The following SLC26A5 variants were observed in gnomAD, a reference collection of about 807,000 sequenced individuals.
The protein encoded by SLC26A5 is solute carrier family 26 member 5.
In SLC26A5, 51 loss-of-function variants were observed where a neutral mutation model predicts 81.0. That is an observed-to-expected ratio of 0.63 (90% CI 0.50 to 0.80). SLC26A5 has a LOEUF of 0.80. Ranked by LOEUF, SLC26A5 falls within the 30% of genes least tolerant of loss-of-function variation. The probability of loss-of-function intolerance (pLI) is 0.00; values close to 1 mark genes in which losing one functional copy is unlikely to be tolerated. For missense variants in SLC26A5, 771 were observed against 905.8 expected, an observed-to-expected ratio of 0.85 and a Z score of 1.91; for synonymous variants, 325 against 332.8, an observed-to-expected ratio of 0.98 and a Z score of 0.25.
chr7:103,395,709 T>C (rs572136977), intron 9 of SLC26A5, among the ~76,000 whole-genome samples: 8 of 151,520 alleles, frequency 5.3e-5, no homozygotes, highest in African/African-American at 1.2e-4. Context: ...TTACTAGAGA[T>C]GGGGTTTCAC....
At position 103,412,133 on chromosome 7, in the gene SLC26A5, G is replaced by A. The variant is rs1364782747; in HGVS notation, c.404-547C>T. On this transcript the variant is annotated intron_variant, in intron 5 of 19. Coordinates refer to ENST00000306312, the MANE Select transcript of SLC26A5 (RefSeq NM_198999.3). Reference sequence around the variant, plus strand: ...ACCAGCCCTTCCCAAGTCCTGAACTGCAGGCACTATGGAAGATACAAACAT... The same window carrying A: ...ACCAGCCCTTCCCAAGTCCTGAACTACAGGCACTATGGAAGATACAAACAT... 2.6e-5 allele frequency among the ~76,000 whole-genome samples: 4 copies of A among 152,202 alleles called. No homozygotes were observed. The East Asian group carries it at 7.7e-4, about 29-fold the overall frequency.
chr7:103,389,428 A>C lies in SLC26A5; in HGVS notation c.1312-4T>G, dbSNP rs1238780744. 6.2e-7 allele frequency: 1 copy of C among 1,609,346 alleles called. No individual in the cohort carries two copies. The highest frequency in any genetic ancestry group is 8.5e-7 in the Non-Finnish European group (1 of 1,175,824). On this transcript the variant is annotated splice_polypyrimidine_tract_variant and splice_region_variant and intron_variant, in intron 12 of 19. Transcript: ENST00000306312. Reference sequence around the variant, plus strand: ...TCACAATGGCCGACAGCACAGCCTGAAACAGAGCACATCCCCCATGCCTCT... The same window carrying C: ...TCACAATGGCCGACAGCACAGCCTGCAACAGAGCACATCCCCCATGCCTCT...
At chr7:103,362,710 T>C in intron 19 of SLC26A5, 2 of 1,606,066 alleles carry the variant, frequency 1.2e-6, no homozygotes, top group Admixed American at 1.7e-5. Flanking sequence ...AATATCAAAT[T>C]CACATTCCAT....
intron 19 of SLC26A5, among the ~76,000 whole-genome samples, chr7:103,356,830 A>G (rs1820061095): frequency 6.6e-6 from 1 of 152,182 alleles, no homozygotes; most frequent in African/African-American, 2.4e-5. Context: ...TGTTGCTTAG[A>G]AAAACCTAGC....
At chr7:103,359,476 C>T (rs1340891963) in intron 19 of SLC26A5, among the ~76,000 whole-genome samples, 1 of 152,066 alleles carries the variant, frequency 6.6e-6, no homozygotes, top group Non-Finnish European at 1.5e-5. Flanking sequence ...ACCCAATACC[C>T]ATTAGCAGTC....
intron 8 of SLC26A5, among the ~76,000 whole-genome samples, chr7:103,405,193 C>G (rs1265024943): frequency 2.6e-5 from 4 of 152,146 alleles, no homozygotes; most frequent in Non-Finnish European, 5.9e-5. Flanking sequence ...GTCCATTCGT[C>G]AAACTCATTC....
intron 14 of SLC26A5, among the ~76,000 whole-genome samples, chr7:103,386,207 A>G (rs1361175728): frequency 6.6e-6 from 1 of 151,904 alleles, no homozygotes; most frequent in Non-Finnish European, 1.5e-5. Flanking sequence ...CTTGGATTAC[A>G]GGAGTGAGCC....
At chr7:103,435,131 TTTTA>T (rs1262485707) in intron 2 of SLC26A5, 1 of 152,178 alleles carries the variant, frequency 6.6e-6, no homozygotes. Flanking sequence ...ATTATTTTTA[TTTTA>T]GTTATTTAAA....
At chr7:103,430,029 A>G (rs1284503319) in intron 2 of SLC26A5, among the ~76,000 whole-genome samples, 2 of 151,452 alleles carry the variant, frequency 1.3e-5, no homozygotes, top group African/African-American at 4.9e-5. Context: ...GCAATACCAC[A>G]TGCAGAGCCT....
intron 19 of SLC26A5, chr7:103,364,413 T>A (rs1820579932): frequency 7.6e-7 from 1 of 1,319,470 alleles, no homozygotes; most frequent in South Asian, 1.4e-5. Context: ...CTGAAATTTC[T>A]TTTTTCTTTT....
intron 8 of SLC26A5, among the ~76,000 whole-genome samples, chr7:103,407,414 A>C (rs948339030): frequency 6.6e-6 from 1 of 152,212 alleles, no homozygotes; most frequent in African/African-American, 2.4e-5. Context: ...AGTGGACCTA[A>C]CTACTTAATA....
At chr7:103,427,283 G>T (rs1367362191) in intron 2 of SLC26A5, among the ~76,000 whole-genome samples, 2 of 151,886 alleles carry the variant, frequency 1.3e-5, no homozygotes, top group East Asian at 1.9e-4. Context: ...CCCCTTGTTG[G>T]CCAGGCTGTT....
chr7:103,407,461 G>C lies in SLC26A5; in HGVS notation c.888+390C>G, dbSNP rs934516108. Among the ~76,000 whole-genome samples the C allele has an allele frequency of 3.3e-5, 5 of 152,178 alleles. No individual in the cohort carries two copies. In the South Asian group the frequency reaches 8.3e-4, roughly 25 times the overall value. On this transcript the variant is annotated intron_variant, in intron 8 of 19. Coordinates refer to ENST00000306312, the MANE Select transcript of SLC26A5 (RefSeq NM_198999.3). ...GAGGTATTTCTTTTGGCTCAGGAGT[G>C]TCAAGGGATGGAGAAAGTTTGGGAA...
chr7:103,364,891 C>T (rs1253646015), intron 19 of SLC26A5, among the ~76,000 whole-genome samples: 2 of 149,120 alleles, frequency 1.3e-5, no homozygotes, highest in African/African-American at 4.9e-5. Context: ...ACTTTTACTT[C>T]AGGGGCAGTG....
chr7:103,360,260 T>A, intron 19 of SLC26A5, among the ~76,000 whole-genome samples: 1 of 152,174 alleles, frequency 6.6e-6, no homozygotes, highest in Non-Finnish European at 1.5e-5. Context: ...TAAAATAATG[T>A]AATGTGTCAC....
chr7:103,383,189 T>C (rs78831376), intron 14 of SLC26A5, among the ~76,000 whole-genome samples: 10,050 of 152,214 alleles, frequency 0.066, 1,111 homozygotes, highest in African/African-American at 0.23. Flanking sequence ...TTTGCAATTA[T>C]GAGAAAACCT....
intron 19 of SLC26A5, chr7:103,352,972 A>T: frequency 3.8e-6 from 3 of 780,314 alleles, no homozygotes; most frequent in Non-Finnish European, 7.2e-6. Context: ...GTGAACTTAA[A>T]TTTTTTACCA....
intron 19 of SLC26A5, chr7:103,362,730 A>G (rs775120634): frequency 2.4e-5 from 38 of 1,606,016 alleles, no homozygotes; most frequent in Non-Finnish European, 3.2e-5. Context: ...TTGCCTCCTA[A>G]GATTGACCCA....
At chr7:103,399,626 T>G (rs1823417717) in intron 8 of SLC26A5, among the ~76,000 whole-genome samples, 1 of 152,172 alleles carries the variant, frequency 6.6e-6, no homozygotes, top group African/African-American at 2.4e-5. Flanking sequence ...GTGCAGAATG[T>G]GCAGGTTACA....
Sources: gnomAD v4.1 joint callset for allele counts (sites outside exome capture counted in the v4.1 genomes callset) on GRCh38, gnomAD v4.1.1 for gene constraint, MANE v1.5 for transcripts, NCBI Gene and HGNC (gene_info 2026-07-23, HGNC 2026-07-21) for gene names.